PPP2R2C: variants seen among roughly 807,000 people sequenced by gnomAD.
PPP2R2C encodes protein phosphatase 2 regulatory subunit Bgamma, also known as protein phosphatase 2, regulatory subunit B, gamma.
Under a neutral mutation model 45.3 loss-of-function variants are expected in PPP2R2C, and 10 were observed. The ratio of observed to expected loss-of-function variants is 0.22; its 90% confidence interval spans 0.14 to 0.37. The LOEUF (loss-of-function observed/expected upper bound fraction) is 0.37, where lower values mean the gene tolerates loss of function less well. Among genes scored for constraint, PPP2R2C ranks in the 10% least tolerant of loss-of-function variants. The pLI is 1.00. For missense variants in PPP2R2C, 308 were observed against 619.7 expected (o/e 0.50, Z 5.34); for synonymous variants, 257 against 245.4 (o/e 1.05, Z -0.44).
intron 1 of PPP2R2C, among the ~76,000 whole-genome samples, chr4:6,438,179 G>C (rs758130232): frequency 6.6e-6 from 1 of 152,318 alleles, no homozygotes; most frequent in African/African-American, 2.4e-5. Context: ...ACTCACCATC[G>C]TACAGTTACT....
At chr4:6,367,961 A>T (rs555892892) in intron 5 of PPP2R2C, among the ~76,000 whole-genome samples, 1 of 152,010 alleles carries the variant, frequency 6.6e-6, no homozygotes, top group South Asian at 2.1e-4. Flanking sequence ...ATAGACACAC[A>T]CTCCTCTATC....
intron 2 of PPP2R2C, among the ~76,000 whole-genome samples, chr4:6,525,487 C>G (rs1577239395): frequency 6.8e-6 from 1 of 146,028 alleles, no homozygotes; most frequent in East Asian, 2.2e-4. Context: ...GCCAAACGGA[C>G]TCCAGAGAAA....
chr4:6,542,188 G>A (rs972110825), intron 1 of PPP2R2C, among the ~76,000 whole-genome samples: 7 of 152,072 alleles, frequency 4.6e-5, no homozygotes, highest in South Asian at 2.1e-4. Context: ...GTCCCTGGTC[G>A]CCCAACAATA....
chr4:6,405,223 C>T lies in PPP2R2C; in HGVS notation c.71-24129G>A, dbSNP rs113491677. ...TTTACAGATGAGGAAGCCAAGCGAG[C>T]GGGTTCCCCAGGTCGCAGAACTCCC... On this transcript the variant is annotated intron_variant, in intron 1 of 8. Coordinates refer to ENST00000382599, the MANE Select transcript of PPP2R2C (RefSeq NM_020416.4). 5.9e-3 allele frequency among the ~76,000 whole-genome samples: 905 copies of T among 152,258 alleles called. 6 individuals carry two copies. The highest frequency in any genetic ancestry group is 0.018 in the African/African-American group (731 of 41,532).
chr4:6,342,033 C>T (rs546789888), intron 6 of PPP2R2C, among the ~76,000 whole-genome samples: 5 of 145,356 alleles, frequency 3.4e-5, no homozygotes, highest in African/African-American at 2.5e-5. Flanking sequence ...CCCTGATGTG[C>T]GATTTTCCCA....
At chr4:6,542,759 A>G (rs184373643) in intron 1 of PPP2R2C, among the ~76,000 whole-genome samples, 1 of 151,936 alleles carries the variant, frequency 6.6e-6, no homozygotes, top group East Asian at 1.9e-4. Flanking sequence ...AAAACTTAGA[A>G]GAAACAGATA....
intron 5 of PPP2R2C, among the ~76,000 whole-genome samples, chr4:6,367,630 C>T (rs529199660): frequency 2.2e-4 from 34 of 152,334 alleles, no homozygotes; most frequent in African/African-American, 7.5e-4. Context: ...GAAACGCCTC[C>T]TCTCATTACT....
intron 2 of PPP2R2C, among the ~76,000 whole-genome samples, chr4:6,498,652 G>C (rs768834650): frequency 6.6e-6 from 1 of 152,118 alleles, no homozygotes; most frequent in African/African-American, 2.4e-5. Context: ...CAAGGTGGAG[G>C]AGCTGGTGTC....
intron 1 of PPP2R2C, among the ~76,000 whole-genome samples, chr4:6,545,576 C>A (rs542503914): frequency 6.6e-6 from 1 of 152,330 alleles, no homozygotes; most frequent in South Asian, 2.1e-4. Flanking sequence ...GTCAGGGGGC[C>A]TGGTTCCCAT....
intron 1 of PPP2R2C, among the ~76,000 whole-genome samples, chr4:6,409,449 C>T (rs769773522): frequency 2.6e-5 from 4 of 152,150 alleles, no homozygotes; most frequent in East Asian, 1.9e-4. Flanking sequence ...CAGCATGGAG[C>T]GGAGGAACCG....
chr4:6,392,990 A>G (rs189686668), intron 1 of PPP2R2C, among the ~76,000 whole-genome samples: 72 of 152,304 alleles, frequency 4.7e-4, no homozygotes, highest in African/African-American at 1.5e-3. Flanking sequence ...CTCCAGGTCT[A>G]TGAGGAAAGG....
intron 2 of PPP2R2C, among the ~76,000 whole-genome samples, chr4:6,512,186 T>G (rs1413405069): frequency 1.2e-5 from 1 of 85,702 alleles, no homozygotes; most frequent in Non-Finnish European, 2.4e-5. Context: ...CTGATGGTGG[T>G]GGTGGTGGTG....
chr4:6,351,535 G>GT (rs1433504008), intron 5 of PPP2R2C, among the ~76,000 whole-genome samples: 1 of 152,128 alleles, frequency 6.6e-6, no homozygotes, highest in African/African-American at 2.4e-5. Context: ...CCAAACCTGG[G>GT]TCAGGACCCA....
intron 2 of PPP2R2C, among the ~76,000 whole-genome samples, chr4:6,500,240 C>T (rs373370899): frequency 1.7e-4 from 26 of 152,250 alleles, no homozygotes; most frequent in South Asian, 1.2e-3. Flanking sequence ...CTCCACCTCC[C>T]GAGTTCAAGC....
chr4:6,382,902 G>A, intron 1 of PPP2R2C: 1 of 1,086,508 alleles, frequency 9.2e-7, no homozygotes, highest in Non-Finnish European at 1.1e-6. Flanking sequence ...AAACCCTCCA[G>A]CGGCTCCCAT....
At chr4:6,381,638 A>G (rs1230886446) in intron 1 of PPP2R2C, 25 of 1,497,242 alleles carry the variant, frequency 1.7e-5, no homozygotes, top group Non-Finnish European at 2.2e-5. Context: ...ACCTCCAGGC[A>G]GGCCTCTGGG....
At chr4:6,448,776 C>T (rs1407929805) in intron 1 of PPP2R2C, among the ~76,000 whole-genome samples, 2 of 152,314 alleles carry the variant, frequency 1.3e-5, no homozygotes, top group East Asian at 1.9e-4. Flanking sequence ...TCCTCCTCCC[C>T]CCAGTGAGCA....
At chr4:6,359,689 C>T (rs1233539112) in intron 5 of PPP2R2C, among the ~76,000 whole-genome samples, 2 of 151,914 alleles carry the variant, frequency 1.3e-5, no homozygotes, top group African/African-American at 4.8e-5. Context: ...CTCCTGGAGC[C>T]CAGCCACGCG....
chr4:6,325,961 C>T (rs1337626219), intron 8 of PPP2R2C, among the ~76,000 whole-genome samples: 1 of 152,208 alleles, frequency 6.6e-6, no homozygotes, highest in Non-Finnish European at 1.5e-5. Context: ...AAGTGTTTGA[C>T]TCCAGGAGGC....
Sources: allele counts gnomAD v4.1 joint callset (sites outside exome capture counted in the v4.1 genomes callset), GRCh38; gene constraint gnomAD v4.1.1; transcripts MANE v1.5; gene names NCBI Gene and HGNC (gene_info 2026-07-23, HGNC 2026-07-21).